The following ZSWIM9 variants were observed in gnomAD, a reference collection of about 807,000 sequenced individuals.
The protein encoded by ZSWIM9 is zinc finger SWIM-type containing 9.
ZSWIM9 carries 11 observed loss-of-function variants against 25.0 expected under a neutral mutation model. The observed-to-expected ratio is 0.44, with a 90% CI of 0.28 to 0.73. The LOEUF is 0.73. ZSWIM9 is among the 30% of genes least tolerant of loss of function. The probability of loss-of-function intolerance (pLI) is 0.16; values close to 1 mark genes in which losing one functional copy is unlikely to be tolerated. For missense variants in ZSWIM9, 1,070 were observed against 1,296.5 expected, an observed-to-expected ratio of 0.83 and a Z score of 2.68; for synonymous variants, 562 against 582.1, an observed-to-expected ratio of 0.97 and a Z score of 0.50.
chr19:48,194,720 GGGCGCTGCTGC>G lies in ZSWIM9; in HGVS notation c.663_673del (p.Leu222ProfsTer232), dbSNP rs768418891. On this transcript the variant is annotated frameshift_variant, in exon 4 of 4. Coordinates refer to ENST00000614654, the MANE Select transcript of ZSWIM9 (RefSeq NM_199341.4). LOFTEE classifies it low-confidence loss of function (END_TRUNC). The surrounding 1 kb of genome is among the most constrained non-coding windows in gnomAD (Gnocchi z 6.0). ...GTGTTCTTCCTGACGTCGCGCACCAGGGCGCTGCTGCGGCGCTTCCCTCGCATGCTGCTGGT... is the reference window on the plus strand; with the variant it reads ...GTGTTCTTCCTGACGTCGCGCACCAGGGCGCTTCCCTCGCATGCTGCTGGT... 1.3e-6 allele frequency: 2 copies of G among 1,531,640 alleles called. No homozygotes were observed. The highest frequency in any genetic ancestry group is 1.7e-6 in the Non-Finnish European group (2 of 1,144,770). 94.9% of individuals were successfully genotyped at this position (1,531,640 alleles called of 1,614,324 possible). A position where few individuals can be genotyped will look rare whatever the true frequency, so the allele number is the denominator to read the frequency against.
At position 48,196,754 on chromosome 19, in the gene ZSWIM9, G is replaced by A. The variant is rs1232716914; in HGVS notation, c.2690G>A (p.Arg897His). 1.6e-6 allele frequency: 2 copies of A among 1,233,392 alleles called. No individual in the cohort carries two copies. The highest frequency in any genetic ancestry group is 2.0e-6 in the Non-Finnish European group (2 of 988,928). 76.4% of individuals were successfully genotyped at this position (1,233,392 alleles called of 1,614,324 possible). The change falls in exon 4 of 4, where the codon CGC becomes CAC. Residue 897 changes from arginine to histidine, a missense_variant. Arg to His is a conservative substitution (Grantham distance 29). Around this residue, in one of 4 missense-constraint regions of ZSWIM9, gnomAD observed 583 missense variants for 624.7 expected, o/e 0.93. Coordinates refer to ENST00000614654, the MANE Select transcript of ZSWIM9 (RefSeq NM_199341.4). Reference sequence around the variant, plus strand: ...CCCTGCAGACACCTCTTTGCAGCGCGCCTCCTCACTGGGGCTGCCTTATTC... The same window carrying A: ...CCCTGCAGACACCTCTTTGCAGCGCACCTCCTCACTGGGGCTGCCTTATTC... Reference protein sequence around the residue: ...RLPCRHLFAARLLTGAALFHM... With the variant: ...RLPCRHLFAAHLLTGAALFHM...
intron 2 of ZSWIM9, among the ~76,000 whole-genome samples, chr19:48,175,463 G>C (rs977233454): frequency 6.6e-6 from 1 of 152,190 alleles, no homozygotes; most frequent in African/African-American, 2.4e-5. Context: ...GGCTGGAGAA[G>C]TTAGTGTGTA....
rs541823265 is a variant in ZSWIM9 at position 48,196,416 on chromosome 19, G to A, written c.2352G>A (p.Ala784=). 4.9e-6 allele frequency: 6 copies of A among 1,232,400 alleles called. No homozygotes were observed. In the South Asian group the frequency reaches 1.6e-4, roughly 34 times the overall value. The allele number at this position is 1,232,400 out of a possible 1,614,324, so 76.3% of individuals were successfully genotyped here. The change falls in exon 4 of 4, where the codon GCG becomes GCA. Residue 784 remains alanine (A), a synonymous_variant. Transcript: ENST00000614654. ...AAGGCAGCCCAGAATGGGCAGCGGC[G>A]AGGAGTGAACACCTGGCTGCAGGTG... ...VLEGSPEWAA[A]RSEHLAAGDG... is the part of the protein sequence containing the mutation.
chr19:48,171,663 A>G, intron 1 of ZSWIM9, 131 bp from the exon 2 acceptor site: 2 of 872,996 alleles, frequency 2.3e-6, no homozygotes, highest in Non-Finnish European at 3.4e-6. Flanking sequence ...AAAAACAGGC[A>G]CGTCCGACCC....
chr19:48,194,919 C>T lies in ZSWIM9; in HGVS notation c.855C>T (p.Val285=), dbSNP rs1189120162. 2.3e-6 allele frequency: 3 copies of T among 1,317,550 alleles called. No individual in the cohort carries two copies. Among genetic ancestry groups the T allele is most frequent in the Admixed American group, 4.2e-5 (1 of 23,780 alleles). The allele number at this position is 1,317,550 out of a possible 1,614,324, so 81.6% of individuals were successfully genotyped here. A position where few individuals can be genotyped will look rare whatever the true frequency, so the allele number is the denominator to read the frequency against. Residue 285 remains valine, a synonymous_variant, in exon 4 of 4, where the codon GTC becomes GTT. Coordinates refer to ENST00000614654, the MANE Select transcript of ZSWIM9 (RefSeq NM_199341.4). The surrounding 1 kb of genome is among the most constrained non-coding windows in gnomAD (Gnocchi z 6.0). ...CGCTGCTGCAGAGCGCGCCAGACGTCAAGGGCCGCGTGCGCTGCCTCACCG... is the reference window on the plus strand; with the variant it reads ...CGCTGCTGCAGAGCGCGCCAGACGTTAAGGGCCGCGTGCGCTGCCTCACCG... ...LASLLQSAPD[V]KGRVRCLTAG... is the part of the protein sequence containing the mutation.
chr19:48,172,138 G>GCCC, intron 2 of ZSWIM9, 61 bp downstream of exon 2: 1 of 1,234,124 alleles, frequency 8.1e-7, no homozygotes, highest in Non-Finnish European at 1.1e-6. Context: ...GTGGGTGTGG[G>GCCC]TGGGAGACGG....
chr19:48,192,050 GT>G (rs2037099584), intron 3 of ZSWIM9: 1 of 154,652 alleles, frequency 6.5e-6, no homozygotes, highest in Non-Finnish European at 1.5e-5. Flanking sequence ...AAGATTAGCT[GT>G]TGGAACTGTG....
At position 48,197,340 on chromosome 19, in the gene ZSWIM9, G is replaced by A. The variant is rs2037180931; in HGVS notation, c.*513G>A. 2 of 699,534 alleles carry A rather than the reference G, an allele frequency of 2.9e-6. No homozygotes were observed. Among genetic ancestry groups the A allele is most frequent in the African/African-American group, 3.5e-5 (2 of 56,978 alleles). The allele number at this position is 699,534 out of a possible 1,614,324, so 43.3% of individuals were successfully genotyped here. On this transcript the variant is annotated 3_prime_UTR_variant, in exon 4 of 4. Transcript: ENST00000614654. ...GGACAAGCAAAGAGACAGAAATGAA[G>A]ACATGAGGAAAAGCTGGGGGAAGCA...
intron 3 of ZSWIM9, among the ~76,000 whole-genome samples, chr19:48,187,976 A>ATAGG (rs1360935131): frequency 6.6e-6 from 1 of 151,608 alleles, no homozygotes; most frequent in East Asian, 1.9e-4. Context: ...AGATAGATAG[A>ATAGG]TAGATAGATA....
Position 48,194,065 on chromosome 19 carries a change from G to T in ZSWIM9, c.589-588G>T, listed in dbSNP as rs143451901. 3.3e-3 allele frequency among the ~76,000 whole-genome samples: 507 copies of T among 152,260 alleles called. 5 individuals carry two copies. Among genetic ancestry groups the T allele is most frequent in the African/African-American group, 0.012 (489 of 41,538 alleles). On this transcript the variant is annotated intron_variant, in intron 3 of 3. Coordinates refer to ENST00000614654, the MANE Select transcript of ZSWIM9 (RefSeq NM_199341.4). This position sits in a 1 kb window ranked among gnomAD's most constrained non-coding sequence, Gnocchi z 6.0. ...AGGCACAGAGAGGTTAAATCGCAGG[G>T]TTCAGAAGTGTTGGGGGTGGGACTC...
At position 48,196,137 on chromosome 19, in the gene ZSWIM9, G is replaced by A. The variant is rs1279780393; in HGVS notation, c.2073G>A (p.Arg691=). Residue 691 remains arginine, a synonymous_variant, in exon 4 of 4, where the codon AGG becomes AGA. Transcript: ENST00000614654. ...QRGPQWEDER[R]RGPEIAEERG... is the part of the protein sequence containing the mutation. ...GACCCCAGTGGGAAGATGAGAGGAG[G>A]AGAGGGCCAGAGATTGCAGAGGAGA... The A allele has an allele frequency of 4.0e-6, 5 of 1,241,220 alleles. No individual in the cohort carries two copies. Among genetic ancestry groups the A allele is most frequent in the Non-Finnish European group, 5.0e-6 (5 of 994,064 alleles). 76.9% of individuals were successfully genotyped at this position (1,241,220 alleles called of 1,614,324 possible). A position where few individuals can be genotyped will look rare whatever the true frequency, so the allele number is the denominator to read the frequency against.
intron 3 of ZSWIM9, among the ~76,000 whole-genome samples, chr19:48,183,334 A>G (rs913398849): frequency 2.6e-5 from 4 of 152,032 alleles, no homozygotes; most frequent in South Asian, 2.1e-4. Flanking sequence ...TCACCATGTT[A>G]GCCAGGATGG....
Position 48,193,679 on chromosome 19 carries a change from C to T in ZSWIM9, c.589-974C>T, listed in dbSNP as rs987355405. 2.6e-5 allele frequency among the ~76,000 whole-genome samples: 4 copies of T among 152,214 alleles called. No homozygotes were observed. The South Asian group carries it at 6.2e-4, about 24-fold the overall frequency. ...GCTTAGTTGGGAAGTCACAGAAGAGCGGGACGTGATGTTTGAACAGAGACG... is the reference window on the plus strand; with the variant it reads ...GCTTAGTTGGGAAGTCACAGAAGAGTGGGACGTGATGTTTGAACAGAGACG... On this transcript the variant is annotated intron_variant, in intron 3 of 3. Transcript: ENST00000614654.
rs1461214079 is a variant in ZSWIM9 at position 48,195,378 on chromosome 19, G to T, written c.1314G>T (p.Ala438=). 6.7e-7 allele frequency: 1 copy of T among 1,498,018 alleles called. No individual in the cohort carries two copies. Among genetic ancestry groups the T allele is most frequent in the Non-Finnish European group, 8.8e-7 (1 of 1,132,334 alleles). 92.8% of individuals were successfully genotyped at this position (1,498,018 alleles called of 1,614,324 possible). The change falls in exon 4 of 4, where the codon GCG becomes GCT. Residue 438 remains alanine (A), a synonymous_variant. Coordinates refer to ENST00000614654, the MANE Select transcript of ZSWIM9 (RefSeq NM_199341.4). The surrounding 1 kb of genome is among the most constrained non-coding windows in gnomAD (Gnocchi z 5.8). ...TGGTGGCCATGCAGTGGGCCGACGC[G>T]GCCGGGGAGGCGGTGCCCGAGGGGC... ...RDLVAMQWAD[A]AGEAVPEGPD...
intron 3 of ZSWIM9, among the ~76,000 whole-genome samples, chr19:48,190,835 G>A (rs1461322739): frequency 1.3e-5 from 2 of 152,238 alleles, no homozygotes; most frequent in African/African-American, 4.8e-5. Flanking sequence ...TTTCTATGCC[G>A]TATAGCCTGT....
intron 1 of ZSWIM9, chr19:48,171,395 G>A: frequency 1.0e-6 from 1 of 985,252 alleles, no homozygotes; most frequent in Non-Finnish European, 1.2e-6. Context: ...GTTACTCTTG[G>A]GTGAGAGACA....
chr19:48,195,823 C>A lies in ZSWIM9; in HGVS notation c.1759C>A (p.Leu587Ile). 1.3e-6 allele frequency: 2 copies of A among 1,485,072 alleles called. No homozygotes were observed. Among genetic ancestry groups the A allele is most frequent in the Non-Finnish European group, 1.8e-6 (2 of 1,124,324 alleles). The allele number at this position is 1,485,072 out of a possible 1,614,324, so 92.0% of individuals were successfully genotyped here. The change falls in exon 4 of 4, where the codon CTA becomes ATA. Residue 587 changes from leucine to isoleucine, a missense_variant. By Grantham distance (5) the Leu-to-Ile change is conservative. This residue lies in a region of ZSWIM9 where 583 missense variants were observed against 624.7 expected (regional missense o/e 0.93). Transcript: ENST00000614654. The surrounding 1 kb of genome is among the most constrained non-coding windows in gnomAD (Gnocchi z 5.8). ...GGGGTCCCAGTTGGAGGACCAGGCG[C>A]TAAGAGGATTGGAAGGGTATACCTG... ...WRGSQLEDQA[L>I]RGLEGYTWRV...
chr19:48,196,753 C>T lies in ZSWIM9; in HGVS notation c.2689C>T (p.Arg897Cys). The T allele has an allele frequency of 8.1e-7, 1 of 1,233,540 alleles. No homozygotes were observed. The highest frequency in any genetic ancestry group is 1.0e-6 in the Non-Finnish European group (1 of 988,974). 76.4% of individuals were successfully genotyped at this position (1,233,540 alleles called of 1,614,324 possible). A position where few individuals can be genotyped will look rare whatever the true frequency, so the allele number is the denominator to read the frequency against. Residue 897 changes from arginine (R) to cysteine (C), a missense_variant, in exon 4 of 4, where the codon CGC becomes TGC. Physicochemically the swap from Arg to Cys is radical, Grantham distance 180 (BLOSUM62 -3). This residue lies in a region of ZSWIM9 where 583 missense variants were observed against 624.7 expected (regional missense o/e 0.93). Coordinates refer to ENST00000614654, the MANE Select transcript of ZSWIM9 (RefSeq NM_199341.4). ...RLPCRHLFAA[R>C]LLTGAALFHM... ...GCCCTGCAGACACCTCTTTGCAGCG[C>T]GCCTCCTCACTGGGGCTGCCTTATT... is the stretch of plus-strand genomic sequence containing the variant.
In ZSWIM9 at chr19:48,195,208, G is replaced by A; in HGVS notation, c.1144G>A (p.Glu382Lys). Reference sequence around the variant, plus strand: ...CGTGGACTACTTCGAGCGCAACTGGGAGCCCCGCCGCGACATGTGGGTCCG... The same window carrying A: ...CGTGGACTACTTCGAGCGCAACTGGAAGCCCCGCCGCGACATGTGGGTCCG... ...AFVDYFERNW[E>K]PRRDMWVRFR... Residue 382 changes from glutamate to lysine, a missense_variant, in exon 4 of 4, where the codon GAG becomes AAG. Glu to Lys is a moderately conservative substitution (Grantham distance 56, BLOSUM62 1). Transcript: ENST00000614654. The surrounding 1 kb of genome is among the most constrained non-coding windows in gnomAD (Gnocchi z 5.8). The A allele has an allele frequency of 6.5e-7, 1 of 1,526,998 alleles. No homozygotes were observed. Among genetic ancestry groups the A allele is most frequent in the Non-Finnish European group, 8.8e-7 (1 of 1,141,744 alleles). 94.6% of individuals were successfully genotyped at this position (1,526,998 alleles called of 1,614,324 possible).
Sources: allele counts gnomAD v4.1 joint callset (sites outside exome capture counted in the v4.1 genomes callset), GRCh38; gene constraint gnomAD v4.1.1; regional missense constraint gnomAD v4.1.1; non-coding constraint Gnocchi (gnomAD v3.1); transcripts MANE v1.5; gene names NCBI Gene and HGNC (gene_info 2026-07-23, HGNC 2026-07-21).